The following SHANK1 variants were observed in gnomAD, a reference collection of about 807,000 sequenced individuals.
SHANK1 encodes the protein SH3 and multiple ankyrin repeat domains protein 1.
In SHANK1, 35 loss-of-function variants were observed where a neutral mutation model predicts 165.6. The observed-to-expected ratio is 0.21, with a 90% CI of 0.16 to 0.28. The LOEUF (loss-of-function observed/expected upper bound fraction) is 0.28. SHANK1 is among the 10% of genes least tolerant of loss of function. The pLI is 1.00. For missense variants in SHANK1, 2,681 were observed against 3,036.4 expected, an observed-to-expected ratio of 0.88 and a Z score of 2.75; for synonymous variants, 1,428 against 1,384.8, an observed-to-expected ratio of 1.03 and a Z score of -0.69.
At chr19:50,675,865 G>A (rs371771763) in intron 21 of SHANK1, among the ~76,000 whole-genome samples, 30 of 152,292 alleles carry the variant, frequency 2.0e-4, no homozygotes, top group African/African-American at 4.3e-4. Flanking sequence ...TTAGCTAGGC[G>A]TGGTGGTGCA....
At chr19:50,682,659 G>A (rs993495784) in intron 21 of SHANK1, among the ~76,000 whole-genome samples, 2 of 152,156 alleles carry the variant, frequency 1.3e-5, no homozygotes, top group Non-Finnish European at 2.9e-5. Context: ...GGAGGAGAGT[G>A]TAAAATACAG....
At chr19:50,683,999 C>G (rs1027132149) in intron 21 of SHANK1, among the ~76,000 whole-genome samples, 1 of 152,218 alleles carries the variant, frequency 6.6e-6, no homozygotes, top group Non-Finnish European at 1.5e-5. Flanking sequence ...ATGCAAATCT[C>G]TAAGACTGTT....
At position 50,702,605 on chromosome 19, in the gene SHANK1, GGCCCCCTGAGCCCCCCGT is replaced by G. The variant is rs762600721; in HGVS notation, c.1591_1608del (p.Thr531_Gly536del). 11 of 1,597,022 alleles carry G rather than the reference GGCCCCCTGAGCCCCCCGT, an allele frequency of 6.9e-6. No individual in the cohort carries two copies. Among genetic ancestry groups the G allele is most frequent in the Admixed American group, 5.2e-5 (3 of 58,030 alleles). On this transcript the variant is annotated inframe_deletion, in exon 12 of 24. Transcript: ENST00000293441. This position sits in a 1 kb window ranked among gnomAD's most constrained non-coding sequence, Gnocchi z 5.3. The stretch of plus-strand genomic sequence containing the variant: ...CCGCGGCTGCCCAGGGAGCCCCCGG[GGCCCCCTGAGCCCCCCGT>G]GCCCCCGGCTGGCCCTTCCCGGGGT...
Position 50,688,739 on chromosome 19 carries a change from G to T in SHANK1, c.2172+105C>A. ...GGTGGGCAGGGGGCTGGGAATCCTG[G>T]TGCCAAAGGAGAATAAAACTGGGCA... On this transcript the variant is annotated intron_variant, in intron 17 of 23. Coordinates refer to ENST00000293441, the MANE Select transcript of SHANK1 (RefSeq NM_016148.5). The surrounding 1 kb of genome is among the most constrained non-coding windows in gnomAD (Gnocchi z 6.7). 8.3e-7 allele frequency: 1 copy of T among 1,206,164 alleles called. No homozygotes were observed. Among genetic ancestry groups the T allele is most frequent in the Non-Finnish European group, 1.2e-6 (1 of 864,986 alleles). 74.7% of individuals were successfully genotyped at this position (1,206,164 alleles called of 1,614,324 possible).
intron 21 of SHANK1, among the ~76,000 whole-genome samples, chr19:50,685,599 C>T (rs1986306985): frequency 1.3e-5 from 2 of 152,118 alleles, no homozygotes; most frequent in Non-Finnish European, 2.9e-5. Flanking sequence ...TGGCACACAC[C>T]TGTAATCCCA....
intron 21 of SHANK1, among the ~76,000 whole-genome samples, chr19:50,680,426 G>T (rs939883530): frequency 6.6e-6 from 1 of 152,046 alleles, no homozygotes; most frequent in Non-Finnish European, 1.5e-5. Context: ...GGGAGCCCTC[G>T]GGCATCAGTG....
In SHANK1 at chr19:50,713,760, G is replaced by A. The variant is rs1261389468; in HGVS notation, c.792+38C>T. On this transcript the variant is annotated intron_variant, in intron 6 of 23. Coordinates refer to ENST00000293441, the MANE Select transcript of SHANK1 (RefSeq NM_016148.5). This position sits in a 1 kb window ranked among gnomAD's most constrained non-coding sequence, Gnocchi z 6.2. ...AAAGAACAAAGGGAAAAGGAGAGAGGGCCCCATGGCGGGGATGGGGGGTCC... is the reference window on the plus strand; with the variant it reads ...AAAGAACAAAGGGAAAAGGAGAGAGAGCCCCATGGCGGGGATGGGGGGTCC... 2 of 1,608,176 alleles carry A rather than the reference G, an allele frequency of 1.2e-6. No individual in the cohort carries two copies.
At chr19:50,665,570 A>C (rs1985453092) in intron 23 of SHANK1, among the ~76,000 whole-genome samples, 1 of 39,892 alleles carries the variant, frequency 2.5e-5, no homozygotes. Flanking sequence ...CTGTCTCAAA[A>C]AAAAAAAAAA....
rs1985236467 is a variant in SHANK1 at position 50,661,770 on chromosome 19, GCCC to G, written c.*192_*194del. The G allele has an allele frequency of 1.7e-6, 1 of 587,202 alleles. No homozygotes were observed. 36.4% of individuals were successfully genotyped at this position (587,202 alleles called of 1,614,324 possible). ...ACACACACACACTCTTGTGTCAGCT[GCCC>G]CCCTTCAGTGAGGTGCAAATGTCCG... On this transcript the variant is annotated 3_prime_UTR_variant, in exon 24 of 24. Transcript: ENST00000293441.
Position 50,712,006 on chromosome 19 carries a change from G to A in SHANK1, c.901C>T (p.Leu301=), listed in dbSNP as rs918990475. 1.2e-6 allele frequency: 2 copies of A among 1,613,964 alleles called. No individual in the cohort carries two copies. The highest frequency in any genetic ancestry group is 1.3e-5 in the African/African-American group (1 of 74,950). The change falls in exon 7 of 24, where the codon CTG becomes TTG. Residue 301 remains leucine, a synonymous_variant. Coordinates refer to ENST00000293441, the MANE Select transcript of SHANK1 (RefSeq NM_016148.5). Reference sequence around the variant, plus strand: ...ATGCCCAGCTGGGCCCTGTTGAACAGGAGCAGCTCGCAGCATCGGGGGTCA... The same window carrying A: ...ATGCCCAGCTGGGCCCTGTTGAACAAGAGCAGCTCGCAGCATCGGGGGTCA... ...GGDPRCCELL[L]FNRAQLGIAD...
In SHANK1 at chr19:50,666,272, T is replaced by C. The variant is rs762489900; in HGVS notation, c.5688A>G (p.Gly1896=). 6.2e-7 allele frequency: 1 copy of C among 1,611,358 alleles called. No individual in the cohort carries two copies. The highest frequency in any genetic ancestry group is 8.5e-7 in the Non-Finnish European group (1 of 1,179,196). The change falls in exon 23 of 24, where the codon GGA becomes GGG. Residue 1896 remains glycine (G), a synonymous_variant. Coordinates refer to ENST00000293441, the MANE Select transcript of SHANK1 (RefSeq NM_016148.5). Reference sequence around the variant, plus strand: ...GGCTGTCTCCGCCTCCCCCACTGCCTCCTCGGGCCCAGGGCAGAGCGCCGC... The same window carrying C: ...GGCTGTCTCCGCCTCCCCCACTGCCCCCTCGGGCCCAGGGCAGAGCGCCGC... ...AAGGALPWAR[G]GSGGGGDSHH...
Position 50,686,916 on chromosome 19 carries a change from C to T in SHANK1, c.2390-104G>A, listed in dbSNP as rs138011048. ...AGCAGGTGCGGGCCAGTGGGCGTGG[C>T]GGGCGCGAGAGGGGCAGTGAGGGGC... On this transcript the variant is annotated intron_variant, in intron 19 of 23. Transcript: ENST00000293441. This position sits in a 1 kb window ranked among gnomAD's most constrained non-coding sequence, Gnocchi z 5.7. 1.2e-4 allele frequency: 172 copies of T among 1,389,022 alleles called. No individual in the cohort carries two copies. Among genetic ancestry groups the T allele is most frequent in the East Asian group, 1.6e-4 (6 of 37,146 alleles). The allele number at this position is 1,389,022 out of a possible 1,614,324, so 86.0% of individuals were successfully genotyped here.
rs1389915776 is a variant in SHANK1, at chr19:50,687,908, T to C, written c.2308+15A>G. On this transcript the variant is annotated intron_variant, in intron 18 of 23. Transcript: ENST00000293441. ...GGTGGCAGTGGGGTGGCTGCGAGAG[T>C]GGCCGCAGGAGCACCTTTCTTGTGC... 3.7e-6 allele frequency: 6 copies of C among 1,613,502 alleles called. No individual in the cohort carries two copies. Among genetic ancestry groups the C allele is most frequent in the Non-Finnish European group, 5.1e-6 (6 of 1,179,778 alleles).
At chr19:50,687,548 C>T (rs1185251357) in intron 19 of SHANK1, 34 bp downstream of exon 19, 40 of 1,521,846 alleles carry the variant, frequency 2.6e-5, no homozygotes, top group East Asian at 2.5e-4. Flanking sequence ...CCTCTCCCCC[C>T]GGCCCCCTGG....
At position 50,689,019 on chromosome 19, in the gene SHANK1, C is replaced by T. The variant is rs547461164; in HGVS notation, c.2048-51G>A. The stretch of plus-strand genomic sequence containing the variant: ...GTCGGAGGGGAGGGGGTGGAGAGGC[C>T]GAGCAGGGGATGGGGCTCAGACCCA... On this transcript the variant is annotated intron_variant, in intron 16 of 23. Coordinates refer to ENST00000293441, the MANE Select transcript of SHANK1 (RefSeq NM_016148.5). 21 of 1,374,584 alleles carry T rather than the reference C, an allele frequency of 1.5e-5. No homozygotes were observed. In the East Asian group the frequency reaches 3.2e-4, roughly 21 times the overall value. The allele number at this position is 1,374,584 out of a possible 1,614,324, so 85.1% of individuals were successfully genotyped here.
intron 12 of SHANK1, among the ~76,000 whole-genome samples, chr19:50,700,601 G>C (rs1014933522): frequency 3.9e-5 from 6 of 152,070 alleles, no homozygotes; most frequent in Non-Finnish European, 8.8e-5. Flanking sequence ...TCATCAGGCT[G>C]TGTGAAGCTC....
intron 21 of SHANK1, among the ~76,000 whole-genome samples, chr19:50,679,106 T>G (rs1599848526): frequency 7.0e-4 from 10 of 14,244 alleles, no homozygotes; most frequent in African/African-American, 8.7e-4. Context: ...GGGGTCAGGG[T>G]GTGGGGAGGG....
intron 7 of SHANK1, 130 bp downstream of exon 7, chr19:50,711,817 T>TTGG: frequency 1.8e-6 from 2 of 1,085,304 alleles, no homozygotes; most frequent in South Asian, 2.9e-5. Context: ...CATTTCCTCT[T>TTGG]TGGGGACCAT....
Position 50,715,698 on chromosome 19 carries a change from G to C in SHANK1, c.492C>G (p.Thr164=). Residue 164 remains threonine (T), a synonymous_variant, in exon 4 of 24, where the codon ACC becomes ACG. Transcript: ENST00000293441. ...TGGCCAGCTGCTTCTCATCCAGGTT[G>C]GTCTGTTTGTAAACTCGGGTCTTGT... ...FRYKTRVYKQ[T]NLDEKQLAKL... is the part of the protein sequence containing the mutation. 6.2e-7 allele frequency: 1 copy of C among 1,614,062 alleles called. No individual in the cohort carries two copies. The highest frequency in any genetic ancestry group is 8.5e-7 in the Non-Finnish European group (1 of 1,179,996).
Sources: allele counts gnomAD v4.1 joint callset (sites outside exome capture counted in the v4.1 genomes callset), GRCh38; gene constraint gnomAD v4.1.1; non-coding constraint Gnocchi (gnomAD v3.1); transcripts MANE v1.5; gene names NCBI Gene and HGNC (gene_info 2026-07-23, HGNC 2026-07-21).